The following CTNNA2 variants were observed in gnomAD, a reference collection of about 807,000 sequenced individuals.
The protein encoded by CTNNA2 is catenin alpha-2.
CTNNA2 carries 42 observed loss-of-function variants against 101.0 expected under a neutral mutation model. The ratio of observed to expected loss-of-function variants is 0.42; its 90% confidence interval spans 0.32 to 0.54. The LOEUF (loss-of-function observed/expected upper bound fraction) is 0.54, where lower values mean the gene tolerates loss of function less well. Among genes scored for constraint, CTNNA2 ranks in the 20% least tolerant of loss-of-function variants. The probability of loss-of-function intolerance (pLI) is 0.14; values close to 1 mark genes in which losing one functional copy is unlikely to be tolerated. For missense variants in CTNNA2, 871 were observed against 1,223.1 expected (o/e 0.71, Z 4.29); for synonymous variants, 450 against 456.4 (o/e 0.99, Z 0.18).
chr2:80,445,416 A>G (rs995025442), intron 9 of CTNNA2, among the ~76,000 whole-genome samples: 1 of 152,092 alleles, frequency 6.6e-6, no homozygotes, highest in Non-Finnish European at 1.5e-5. Flanking sequence ...TCCTGAGCTC[A>G]AGTGATCCAC....
chr2:79,547,218 A>C, intron 1 of CTNNA2: 1 of 152,204 alleles, frequency 6.6e-6, no homozygotes, highest in East Asian at 1.9e-4. Flanking sequence ...TTCCATATTC[A>C]GTATATTAGT....
In CTNNA2 at chr2:79,585,560, C is replaced by G. The variant is rs188400898; in HGVS notation, c.-5-65992C>G. Among the ~76,000 whole-genome samples, 136 of 152,176 alleles carry G rather than the reference C, an allele frequency of 8.9e-4. 1 individual carries two copies. Among genetic ancestry groups the G allele is most frequent in the Admixed American group, 1.5e-3 (23 of 15,270 alleles). ...TAAGATTGGTTTAATATATGGTACTCTGTCTCAGAGCTGGCCAGGAACAAC... is the reference window on the plus strand; with the variant it reads ...TAAGATTGGTTTAATATATGGTACTGTGTCTCAGAGCTGGCCAGGAACAAC... On this transcript the variant is annotated intron_variant, in intron 1 of 18. Transcript: ENST00000402739.
At chr2:79,302,018 G>T (rs1292098674) in intron 2 of CTNNA2, among the ~76,000 whole-genome samples, 2 of 152,066 alleles carry the variant, frequency 1.3e-5, no homozygotes, top group African/African-American at 2.4e-5. Context: ...ACTTGAACCT[G>T]GGAGGCGGAG....
rs565633006 is a variant in CTNNA2, at chr2:79,407,442, G to T, written c.-135+33429G>T. Among the ~76,000 whole-genome samples, 32 of 151,558 alleles carry T rather than the reference G, an allele frequency of 2.1e-4. No individual in the cohort carries two copies. The East Asian group carries it at 2.1e-3, about 10-fold the overall frequency. On this transcript the variant is annotated intron_variant, in intron 4 of 21. Transcript: ENST00000466387. The stretch of plus-strand genomic sequence containing the variant: ...GAGAAATCACAGATCTTATTTTCTG[G>T]TTTTTTTTCTCTCCCCATATGCAAC...
chr2:79,898,732 T>G (rs74975917), intron 6 of CTNNA2, among the ~76,000 whole-genome samples: 1 of 152,234 alleles, frequency 6.6e-6, no homozygotes, highest in African/African-American at 2.4e-5. Context: ...GAGAAGTACT[T>G]TCTCATACAT....
chr2:80,440,299 C>A (rs1456813039), intron 9 of CTNNA2, among the ~76,000 whole-genome samples: 1 of 152,068 alleles, frequency 6.6e-6, no homozygotes, highest in African/African-American at 2.4e-5. Flanking sequence ...GAACAATGGA[C>A]ATTGGCCTGG....
intron 2 of CTNNA2, among the ~76,000 whole-genome samples, chr2:79,226,830 G>T (rs1674416217): frequency 1.3e-5 from 2 of 152,122 alleles, no homozygotes; most frequent in Non-Finnish European, 2.9e-5. Flanking sequence ...CAGAGCTCAT[G>T]GGGATGTTTC....
At chr2:79,399,469 CA>C (rs1158458696) in intron 4 of CTNNA2, among the ~76,000 whole-genome samples, 2 of 152,132 alleles carry the variant, frequency 1.3e-5, no homozygotes, top group African/African-American at 2.4e-5. Flanking sequence ...CATATTGGTT[CA>C]AAGCATTTAA....
intron 2 of CTNNA2, among the ~76,000 whole-genome samples, chr2:79,268,247 G>A (rs1217762677): frequency 6.6e-6 from 1 of 152,096 alleles, no homozygotes; most frequent in Non-Finnish European, 1.5e-5. Flanking sequence ...GACCATAATG[G>A]TCAGCAAGAT....
At chr2:80,472,605 G>T (rs139483596) in intron 9 of CTNNA2, among the ~76,000 whole-genome samples, 212 of 152,282 alleles carry the variant, frequency 1.4e-3, no homozygotes, top group African/African-American at 4.9e-3. Flanking sequence ...AGATTTTCAT[G>T]TACATTCACG....
intron 4 of CTNNA2, among the ~76,000 whole-genome samples, chr2:79,472,711 A>G (rs1317447259): frequency 6.6e-6 from 1 of 152,136 alleles, no homozygotes; most frequent in Non-Finnish European, 1.5e-5. Context: ...TCTTCCAAAC[A>G]TGCTTTCTCA....
chr2:80,624,843 A>G (rs1292354738), intron 18 of CTNNA2, among the ~76,000 whole-genome samples: 2 of 151,930 alleles, frequency 1.3e-5, no homozygotes, highest in South Asian at 2.1e-4. Flanking sequence ...ACCTAAGGAT[A>G]TATGTATCTA....
intron 4 of CTNNA2, among the ~76,000 whole-genome samples, chr2:79,490,185 T>C (rs964836643): frequency 6.6e-6 from 1 of 152,230 alleles, no homozygotes; most frequent in Non-Finnish European, 1.5e-5. Context: ...ATATACTACC[T>C]GCAATTTCTT....
chr2:79,699,973 A>G (rs1226782426), intron 2 of CTNNA2, among the ~76,000 whole-genome samples: 2 of 149,582 alleles, frequency 1.3e-5, no homozygotes, highest in African/African-American at 4.9e-5. Context: ...AATATAATGC[A>G]TATATATTTT....
chr2:80,267,064 T>C (rs2149132427), intron 7 of CTNNA2, among the ~76,000 whole-genome samples: 1 of 152,254 alleles, frequency 6.6e-6, no homozygotes, highest in African/African-American at 2.4e-5. Context: ...AAAACACCTA[T>C]GTCAGGCTCC....
chr2:79,868,286 C>T (rs713261), intron 4 of CTNNA2, among the ~76,000 whole-genome samples: 23,792 of 152,084 alleles, frequency 0.16, 1,964 homozygotes, highest in East Asian at 0.23. Flanking sequence ...AGGACATAAA[C>T]GTTATGTGGC....
At chr2:79,840,237 A>G (rs940030780) in intron 3 of CTNNA2, among the ~76,000 whole-genome samples, 3 of 152,156 alleles carry the variant, frequency 2.0e-5, no homozygotes, top group Non-Finnish European at 4.4e-5. Flanking sequence ...TTCCTAGTTA[A>G]TATTTTTACC....
intron 12 of CTNNA2, 35 bp downstream of exon 12, chr2:80,555,928 A>C: frequency 7.5e-7 from 1 of 1,327,804 alleles, no homozygotes; most frequent in Non-Finnish European, 1.0e-6. Flanking sequence ...CAAAATGTTA[A>C]TGCCTTGATT....
chr2:80,480,748 ACAGCAAG>A (rs2149499211), intron 9 of CTNNA2, among the ~76,000 whole-genome samples: 1 of 152,234 alleles, frequency 6.6e-6, no homozygotes, highest in African/African-American at 2.4e-5. Flanking sequence ...TTATCACATG[ACAGCAAG>A]CCATTCACTT....
Sources: gnomAD v4.1 joint callset for allele counts (sites outside exome capture counted in the v4.1 genomes callset) on GRCh38, gnomAD v4.1.1 for gene constraint, MANE v1.5 for transcripts, NCBI Gene and HGNC (gene_info 2026-07-23, HGNC 2026-07-21) for gene names.